Variants in PTPRD observed in about 807,000 individuals in gnomAD.
PTPRD encodes protein tyrosine phosphatase receptor type D, also known as receptor-type tyrosine-protein phosphatase delta.
Under a neutral mutation model 214.5 loss-of-function variants are expected in PTPRD, and 34 were observed. The observed-to-expected ratio is 0.16, with a 90% CI of 0.12 to 0.21. PTPRD has a LOEUF of 0.21. PTPRD is among the 10% of genes least tolerant of loss of function. The pLI is 1.00. For synonymous variants in PTPRD, 1,128 were observed against 845.7 expected (o/e 1.33, Z -5.79); for missense variants, 2,545 against 2,398.7 (o/e 1.06, Z -1.27).
At chr9:8,324,928 G>A (rs1212849250) in intron 44 of PTPRD, among the ~76,000 whole-genome samples, 7 of 152,034 alleles carry the variant, frequency 4.6e-5, no homozygotes, top group East Asian at 3.9e-4. Flanking sequence ...CATATCCTTC[G>A]CCCACTTTTT....
chr9:9,904,521 G>C (rs775083548), intron 5 of PTPRD, among the ~76,000 whole-genome samples: 6 of 151,930 alleles, frequency 3.9e-5, no homozygotes, highest in Non-Finnish European at 7.4e-5. Flanking sequence ...ACAAACCAAA[G>C]GTTATGCTCT....
chr9:9,804,933 T>C (rs2099063573), intron 5 of PTPRD, among the ~76,000 whole-genome samples: 1 of 151,942 alleles, frequency 6.6e-6, no homozygotes, highest in South Asian at 2.1e-4. Flanking sequence ...AAGGTGAAAA[T>C]GTGATCATGC....
intron 37 of PTPRD, among the ~76,000 whole-genome samples, chr9:8,383,579 G>C (rs948468860): frequency 3.9e-5 from 6 of 152,072 alleles, no homozygotes; most frequent in African/African-American, 1.2e-4. Flanking sequence ...TCCCTATTTG[G>C]AAACAGAAAA....
chr9:10,025,542 G>T (rs2096907510), intron 4 of PTPRD, among the ~76,000 whole-genome samples: 1 of 152,162 alleles, frequency 6.6e-6, no homozygotes, highest in Non-Finnish European at 1.5e-5. Flanking sequence ...CATCATAGGA[G>T]AATTCACATT....
At chr9:10,210,815 ATATATATGTATG>A (rs1244235221) in intron 3 of PTPRD, among the ~76,000 whole-genome samples, 5,973 of 87,100 alleles carry the variant, frequency 0.069, 206 homozygotes, top group South Asian at 0.14. Flanking sequence ...ATATATATAT[ATATATATGTATG>A]TATGTATGTA....
intron 9 of PTPRD, among the ~76,000 whole-genome samples, chr9:9,288,696 G>A (rs556462934): frequency 6.6e-6 from 1 of 151,874 alleles, no homozygotes; most frequent in East Asian, 2.0e-4. Context: ...TTTCTTGGTA[G>A]TCAACATGGT....
chr9:9,194,984 CGT>C (rs142990152), intron 9 of PTPRD, among the ~76,000 whole-genome samples: 7 of 148,162 alleles, frequency 4.7e-5, no homozygotes, highest in South Asian at 2.2e-4. Flanking sequence ...TTGAACCCTA[CGT>C]GTGTGTGTGT....
intron 11 of PTPRD, among the ~76,000 whole-genome samples, chr9:8,965,716 G>C (rs891167176): frequency 3.3e-5 from 5 of 152,068 alleles, no homozygotes; most frequent in Admixed American, 2.6e-4. Context: ...CATTCCCCTT[G>C]AGAACTGGAA....
At chr9:9,706,910 G>A (rs867482500) in intron 7 of PTPRD, among the ~76,000 whole-genome samples, 1 of 152,088 alleles carries the variant, frequency 6.6e-6, no homozygotes, top group Non-Finnish European at 1.5e-5. Flanking sequence ...AAAAGCAATT[G>A]AAAAGTCTGA....
intron 3 of PTPRD, among the ~76,000 whole-genome samples, chr9:10,130,220 A>G (rs1230884168): frequency 6.7e-6 from 1 of 148,466 alleles, no homozygotes; most frequent in Non-Finnish European, 1.5e-5. Context: ...CATAATATTC[A>G]CATTCCAATT....
rs139350944 is a variant in PTPRD at position 10,263,346 on chromosome 9, G to A, written c.-545+77617C>T. ...TTTGGAACTTCCTAGAGACTTGGAG[G>A]GCTCAGAAGACAGGAAAATGTGGCG... is the stretch of plus-strand genomic sequence containing the variant. On this transcript the variant is annotated intron_variant, in intron 3 of 45. Coordinates refer to ENST00000381196, the MANE Select transcript of PTPRD (RefSeq NM_002839.4). Among the ~76,000 whole-genome samples, 16 of 152,248 alleles carry A rather than the reference G, an allele frequency of 1.1e-4. No individual in the cohort carries two copies. In the East Asian group the frequency reaches 3.1e-3, roughly 29 times the overall value.
At chr9:9,829,648 A>G (rs930189454) in intron 5 of PTPRD, among the ~76,000 whole-genome samples, 1 of 151,912 alleles carries the variant, frequency 6.6e-6, no homozygotes, top group African/African-American at 2.4e-5. Context: ...AACATTAACC[A>G]AAACCACTAC....
chr9:9,502,266 C>T (rs940742731), intron 8 of PTPRD, among the ~76,000 whole-genome samples: 2 of 151,830 alleles, frequency 1.3e-5, no homozygotes, highest in African/African-American at 4.8e-5. Context: ...ACTAATATCT[C>T]CCCCTTTCTC....
intron 10 of PTPRD, among the ~76,000 whole-genome samples, chr9:9,111,433 G>A (rs770252898): frequency 6.6e-6 from 1 of 151,798 alleles, no homozygotes; most frequent in Admixed American, 6.6e-5. Flanking sequence ...TGCTGGGTGA[G>A]TCCTCACTTT....
At chr9:10,169,342 C>T (rs1406368529) in intron 3 of PTPRD, among the ~76,000 whole-genome samples, 2 of 151,338 alleles carry the variant, frequency 1.3e-5, no homozygotes, top group Admixed American at 1.3e-4. Flanking sequence ...GGCGTGGTGG[C>T]GGGCACCTGT....
chr9:10,429,544 A>G (rs2098657374), intron 2 of PTPRD, among the ~76,000 whole-genome samples: 1 of 152,000 alleles, frequency 6.6e-6, no homozygotes, highest in Non-Finnish European at 1.5e-5. Context: ...ATGGAACTGG[A>G]GGCCATTATC....
chr9:9,004,492 T>C (rs575734425), intron 11 of PTPRD, among the ~76,000 whole-genome samples: 21 of 152,116 alleles, frequency 1.4e-4, no homozygotes, highest in Non-Finnish European at 2.8e-4. Flanking sequence ...TTTTTTTTAC[T>C]TGGCTCTTGT....
At chr9:9,755,166 T>C (rs566501313) in intron 6 of PTPRD, among the ~76,000 whole-genome samples, 2 of 152,116 alleles carry the variant, frequency 1.3e-5, no homozygotes, top group East Asian at 3.9e-4. Context: ...AGATCTTGCA[T>C]CTTTTGGTTC....
At chr9:8,767,402 C>G (rs28551048) in intron 11 of PTPRD, among the ~76,000 whole-genome samples, 7,170 of 152,200 alleles carry the variant, frequency 0.047, 423 homozygotes, top group African/African-American at 0.14. Context: ...CAGGTTTGAG[C>G]CACCACACCC....
Sources: gnomAD v4.1 joint callset for allele counts (sites outside exome capture counted in the v4.1 genomes callset) on GRCh38, gnomAD v4.1.1 for gene constraint, MANE v1.5 for transcripts, NCBI Gene and HGNC (gene_info 2026-07-23, HGNC 2026-07-21) for gene names.